ERC2: variants seen among roughly 807,000 people sequenced by gnomAD.
ERC2 encodes the protein ERC protein 2.
In ERC2, 42 loss-of-function variants were observed where a neutral mutation model predicts 114.8. The ratio of observed to expected loss-of-function variants is 0.37; its 90% CI spans 0.29 to 0.47. The LOEUF (loss-of-function observed/expected upper bound fraction) is 0.47, where lower values mean the gene tolerates loss of function less well. ERC2 is among the 20% of genes least tolerant of loss of function. The pLI is 0.99. For synonymous variants in ERC2, 454 were observed against 425.5 expected (o/e 1.07, Z -0.82); for missense variants, 939 against 1,150.7 (o/e 0.82, Z 2.66).
At position 55,719,253 on chromosome 3, in the gene ERC2, A is replaced by G. The variant is rs77562095; in HGVS notation, c.2712+15518T>C. Among the ~76,000 whole-genome samples the G allele has an allele frequency of 5.5e-4, 83 of 152,276 alleles. No individual in the cohort carries two copies. In the East Asian group the frequency reaches 0.014, roughly 27 times the overall value. On this transcript the variant is annotated intron_variant, in intron 15 of 17. Transcript: ENST00000288221. ...GAGCAGTCATGCTGTGTCCTCTGAG[A>G]ATCCCTGCATGACAAGCAGGAGGGC...
At chr3:56,093,690 T>C (rs2077909432) in intron 6 of ERC2, among the ~76,000 whole-genome samples, 1 of 152,214 alleles carries the variant, frequency 6.6e-6, no homozygotes, top group Non-Finnish European at 1.5e-5. Context: ...GTACATAATC[T>C]TGATTTGGCT....
intron 14 of ERC2, among the ~76,000 whole-genome samples, chr3:55,787,089 A>G (rs1421078635): frequency 3.3e-5 from 5 of 152,210 alleles, no homozygotes; most frequent in Non-Finnish European, 5.9e-5. Flanking sequence ...GTCCCTGAGC[A>G]TCAACTTACT....
intron 14 of ERC2, among the ~76,000 whole-genome samples, chr3:55,737,463 G>A (rs532679418): frequency 6.6e-6 from 1 of 152,150 alleles, no homozygotes; most frequent in East Asian, 1.9e-4. Flanking sequence ...ACTTTAAATC[G>A]GGGAGAGCCT....
intron 8 of ERC2, among the ~76,000 whole-genome samples, chr3:56,015,206 A>G (rs1043594936): frequency 6.6e-6 from 1 of 152,100 alleles, no homozygotes; most frequent in Non-Finnish European, 1.5e-5. Context: ...ATTGTTTGCT[A>G]TATTTTATTT....
intron 16 of ERC2, among the ~76,000 whole-genome samples, chr3:55,691,558 AAAAAAAAAAAAAAAAATATATAT>A (rs1438821466): frequency 1.4e-4 from 9 of 64,308 alleles, no homozygotes; most frequent in African/African-American, 4.7e-4. Flanking sequence ...AAAAAAAAAA[AAAAAAAAAAAAAAAAATATATAT>A]ATATATATAT....
intron 3 of ERC2, among the ~76,000 whole-genome samples, chr3:56,267,222 G>C (rs2053369831): frequency 6.6e-6 from 1 of 152,138 alleles, no homozygotes; most frequent in Non-Finnish European, 1.5e-5. Flanking sequence ...TCGAATTTCA[G>C]ATTTTTGAAT....
intron 2 of ERC2, among the ~76,000 whole-genome samples, chr3:56,374,136 G>A (rs527955975): frequency 5.3e-5 from 8 of 152,058 alleles, no homozygotes; most frequent in East Asian, 1.9e-4. Flanking sequence ...TCGCTCTGTC[G>A]CCGAGGCTGG....
chr3:55,814,307 C>T (rs1388982478), intron 14 of ERC2, among the ~76,000 whole-genome samples: 1 of 152,098 alleles, frequency 6.6e-6, no homozygotes, highest in African/African-American at 2.4e-5. Context: ...CAATCCTATA[C>T]GATACACAAA....
At chr3:56,036,314 T>C (rs1032777607) in intron 7 of ERC2, among the ~76,000 whole-genome samples, 1 of 152,170 alleles carries the variant, frequency 6.6e-6, no homozygotes, top group Non-Finnish European at 1.5e-5. Flanking sequence ...GGATGCCCAC[T>C]TTTGCCACTT....
intron 3 of ERC2, among the ~76,000 whole-genome samples, chr3:56,240,929 G>A (rs1254793905): frequency 6.6e-6 from 1 of 152,138 alleles, no homozygotes; most frequent in Non-Finnish European, 1.5e-5. Flanking sequence ...CACACAAATT[G>A]TGAACTCTAT....
intron 14 of ERC2, among the ~76,000 whole-genome samples, chr3:55,874,178 T>C (rs1400737298): frequency 5.3e-5 from 8 of 152,204 alleles, no homozygotes; most frequent in Admixed American, 2.6e-4. Context: ...ACCCATACCT[T>C]GGAGGCAGTT....
At chr3:56,212,670 A>G (rs550121456) in intron 3 of ERC2, among the ~76,000 whole-genome samples, 5 of 152,212 alleles carry the variant, frequency 3.3e-5, no homozygotes, top group Non-Finnish European at 7.3e-5. Flanking sequence ...ATAGCGGCAC[A>G]ATTTGCAATT....
At chr3:56,257,878 T>C (rs1286992924) in intron 3 of ERC2, among the ~76,000 whole-genome samples, 3 of 152,212 alleles carry the variant, frequency 2.0e-5, no homozygotes, top group African/African-American at 7.2e-5. Context: ...ATTTTTTAGG[T>C]TGGAGACATC....
At chr3:56,353,160 A>G (rs2058614326) in intron 2 of ERC2, among the ~76,000 whole-genome samples, 1 of 151,986 alleles carries the variant, frequency 6.6e-6, no homozygotes, top group Non-Finnish European at 1.5e-5. Flanking sequence ...CAAAAGTTAG[A>G]AACCCTTAGA....
chr3:55,817,740 G>A (rs553283760), intron 14 of ERC2, among the ~76,000 whole-genome samples: 1 of 152,266 alleles, frequency 6.6e-6, no homozygotes, highest in South Asian at 2.1e-4. Flanking sequence ...CTGTCAGGTA[G>A]ACCATTTTAT....
At chr3:56,032,412 C>G (rs762404747) in intron 7 of ERC2, among the ~76,000 whole-genome samples, 3 of 151,690 alleles carry the variant, frequency 2.0e-5, no homozygotes, top group Non-Finnish European at 2.9e-5. Context: ...CGCCATTAAG[C>G]AAAGCAATAT....
intron 14 of ERC2, among the ~76,000 whole-genome samples, chr3:55,844,068 A>C (rs1474654589): frequency 6.6e-6 from 1 of 152,200 alleles, no homozygotes; most frequent in African/African-American, 2.4e-5. Context: ...TTCAAATATT[A>C]AATACTGATA....
intron 10 of ERC2, among the ~76,000 whole-genome samples, chr3:55,998,638 A>G (rs2071788984): frequency 6.6e-6 from 1 of 152,218 alleles, no homozygotes; most frequent in Non-Finnish European, 1.5e-5. Flanking sequence ...GGCTTCAAAA[A>G]TCATAAAAAG....
rs538866110 is a variant in ERC2, at chr3:56,374,672, CTG to C, written c.657+59677_657+59678del. 7.9e-5 allele frequency among the ~76,000 whole-genome samples: 12 copies of C among 152,172 alleles called. No individual in the cohort carries two copies. The East Asian group carries it at 2.3e-3, about 30-fold the overall frequency. On this transcript the variant is annotated intron_variant, in intron 2 of 17. Transcript: ENST00000288221. The stretch of plus-strand genomic sequence containing the variant: ...GCTAAGAAGTTTGACTCCACAGCCC[CTG>C]TTATCAGTACCCACTATTATGTCAT...
Sources: allele counts gnomAD v4.1 joint callset (sites outside exome capture counted in the v4.1 genomes callset), GRCh38; gene constraint gnomAD v4.1.1; transcripts MANE v1.5; gene names NCBI Gene and HGNC (gene_info 2026-07-23, HGNC 2026-07-21).